Variants in RBM47 observed in about 807,000 individuals in gnomAD.
The protein encoded by RBM47 is RNA-binding protein 47.
A neutral mutation model predicts 47.1 loss-of-function variants in RBM47; 21 were observed. The observed-to-expected ratio is 0.45, with a 90% CI of 0.32 to 0.64. RBM47 has a LOEUF of 0.64. RBM47 is among the 30% of genes least tolerant of loss of function. The pLI, the probability that RBM47 is intolerant of heterozygous loss-of-function variation, is 0.05. For missense variants in RBM47, 708 were observed against 870.9 expected (o/e 0.81, Z 2.35); for synonymous variants, 375 against 361.7 (o/e 1.04, Z -0.42).
intron 1 of RBM47, among the ~76,000 whole-genome samples, chr4:40,551,202 C>G (rs76871809): frequency 6.6e-6 from 1 of 152,118 alleles, no homozygotes; most frequent in Non-Finnish European, 1.5e-5. Flanking sequence ...GTCACAGTTA[C>G]AAAAGAATGA....
intron 2 of RBM47, among the ~76,000 whole-genome samples, chr4:40,518,848 G>T (rs773022808): frequency 7.2e-5 from 11 of 152,008 alleles, no homozygotes; most frequent in Middle Eastern, 3.4e-3. Context: ...ATTTGTGTTG[G>T]GCCACATTCA....
intron 1 of RBM47, among the ~76,000 whole-genome samples, chr4:40,618,695 G>A (rs574258534): frequency 6.7e-6 from 1 of 150,342 alleles, no homozygotes; most frequent in East Asian, 2.0e-4. Context: ...TGTAATCCCA[G>A]CTACTCGGGA....
At chr4:40,553,910 T>G (rs946537556) in intron 1 of RBM47, among the ~76,000 whole-genome samples, 3 of 152,186 alleles carry the variant, frequency 2.0e-5, no homozygotes, top group Admixed American at 2.0e-4. Context: ...CAGAGACATT[T>G]GAAGGTAAAA....
intron 2 of RBM47, among the ~76,000 whole-genome samples, chr4:40,509,958 G>T (rs1177500155): frequency 6.6e-6 from 1 of 151,778 alleles, no homozygotes; most frequent in African/African-American, 2.4e-5. Context: ...AGGCTGAGGG[G>T]GGGTGGGTCA....
At chr4:40,538,190 G>C (rs1481502631) in intron 2 of RBM47, among the ~76,000 whole-genome samples, 1 of 152,148 alleles carries the variant, frequency 6.6e-6, no homozygotes, top group Non-Finnish European at 1.5e-5. Context: ...AAAGAAAAGG[G>C]AGAGGTCCAG....
chr4:40,443,328 A>G (rs1435815268), intron 3 of RBM47, among the ~76,000 whole-genome samples: 1 of 152,166 alleles, frequency 6.6e-6, no homozygotes, highest in African/African-American at 2.4e-5. Context: ...ACCACAGTAA[A>G]AACAAAATCC....
rs56054491 is a variant in RBM47, at chr4:40,600,985, C to CAAAAAAAAA, written c.-240+28402_-240+28410dup. Among the ~76,000 whole-genome samples, 276 of 50,064 alleles carry CAAAAAAAAA rather than the reference C, an allele frequency of 5.5e-3. 23 individuals carry two copies. Among genetic ancestry groups the CAAAAAAAAA allele is most frequent in the African/African-American group, 0.018 (254 of 14,472 alleles). 32.8% of individuals were successfully genotyped at this position (50,064 alleles called of 152,430 possible). A position where few individuals can be genotyped will look rare whatever the true frequency, so the allele number is the denominator to read the frequency against. ...AGGCAACAAGAGTGAAACTCCGTCT[C>CAAAAAAAAA]AAAAAAAAAAAAAAAAAGAAAGAAG... On this transcript the variant is annotated intron_variant, in intron 1 of 6. Coordinates refer to ENST00000295971, the MANE Select transcript of RBM47 (RefSeq NM_001098634.2).
intron 4 of RBM47, among the ~76,000 whole-genome samples, chr4:40,437,090 A>AAAAAAAAAAAAAAAAAAAAAAATAT (rs1256296949): frequency 2.0e-5 from 1 of 49,852 alleles, no homozygotes; most frequent in Non-Finnish European, 3.3e-5. Context: ...AAAAAAAAAA[A>AAAAAAAAAAAAAAAAAAAAAAATAT]ATATATATAT....
chr4:40,523,564 T>C (rs1726416613), intron 2 of RBM47, among the ~76,000 whole-genome samples: 3 of 151,856 alleles, frequency 2.0e-5, no homozygotes, highest in Non-Finnish European at 4.4e-5. Context: ...GGCAGGAGAA[T>C]TGCTTGAACC....
intron 2 of RBM47, among the ~76,000 whole-genome samples, chr4:40,525,196 G>A (rs1343591756): frequency 6.6e-6 from 1 of 152,170 alleles, no homozygotes; most frequent in Non-Finnish European, 1.5e-5. Context: ...CCAGCACTTT[G>A]GGAGGCCAAG....
At chr4:40,553,909 T>C (rs913740658) in intron 1 of RBM47, among the ~76,000 whole-genome samples, 1 of 152,174 alleles carries the variant, frequency 6.6e-6, no homozygotes, top group African/African-American at 2.4e-5. Flanking sequence ...TCAGAGACAT[T>C]TGAAGGTAAA....
At chr4:40,488,056 T>G (rs1721357416) in intron 2 of RBM47, among the ~76,000 whole-genome samples, 1 of 151,988 alleles carries the variant, frequency 6.6e-6, no homozygotes, top group African/African-American at 2.4e-5. Context: ...GCACGGTGGC[T>G]CACACCTGTA....
intron 2 of RBM47, among the ~76,000 whole-genome samples, chr4:40,477,177 C>G (rs975532652): frequency 6.6e-6 from 1 of 152,194 alleles, no homozygotes; most frequent in East Asian, 1.9e-4. Flanking sequence ...AGTGAGACTC[C>G]GTCTCGAAAA....
intron 2 of RBM47, among the ~76,000 whole-genome samples, chr4:40,484,060 G>A (rs567453383): frequency 6.6e-6 from 1 of 152,194 alleles, no homozygotes; most frequent in South Asian, 2.1e-4. Flanking sequence ...CATTTATGAA[G>A]AATTTAATGT....
Position 40,562,748 on chromosome 4 carries a change from G to C in RBM47, c.-239-18242C>G, listed in dbSNP as rs143442459. Among the ~76,000 whole-genome samples, 193 of 152,292 alleles carry C rather than the reference G, an allele frequency of 1.3e-3. 1 individual carries two copies. Among genetic ancestry groups the C allele is most frequent in the African/African-American group, 4.3e-3 (180 of 41,564 alleles). On this transcript the variant is annotated intron_variant, in intron 1 of 6. Coordinates refer to ENST00000295971, the MANE Select transcript of RBM47 (RefSeq NM_001098634.2). Reference sequence around the variant, plus strand: ...CCCAAAGCATTAGGATTACAGGCGTGAGCCACCGTGCCCAGCCGAAATATT... The same window carrying C: ...CCCAAAGCATTAGGATTACAGGCGTCAGCCACCGTGCCCAGCCGAAATATT...
intron 1 of RBM47, among the ~76,000 whole-genome samples, chr4:40,546,751 C>T (rs985830275): frequency 6.6e-6 from 1 of 152,168 alleles, no homozygotes; most frequent in Non-Finnish European, 1.5e-5. Flanking sequence ...ACCTGTGTCA[C>T]GAGTGCCTGT....
intron 1 of RBM47, among the ~76,000 whole-genome samples, chr4:40,609,283 C>A (rs1258262337): frequency 6.6e-6 from 1 of 151,762 alleles, no homozygotes; most frequent in Non-Finnish European, 1.5e-5. Context: ...AGCCACCATG[C>A]CTGGCCTGCT....
At position 40,569,772 on chromosome 4, in the gene RBM47, G is replaced by A. The variant is rs180674562; in HGVS notation, c.-239-25266C>T. ...GTCGCCCAGGTTGGAGTGCAGTGCC[G>A]CAATCTCGGCTCACTGCAACCTCTG... On this transcript the variant is annotated intron_variant, in intron 1 of 6. Coordinates refer to ENST00000295971, the MANE Select transcript of RBM47 (RefSeq NM_001098634.2). 9.6e-4 allele frequency among the ~76,000 whole-genome samples: 144 copies of A among 149,564 alleles called. 2 individuals carry two copies. The highest frequency in any genetic ancestry group is 4.7e-3 in the Admixed American group (70 of 14,900).
intron 1 of RBM47, among the ~76,000 whole-genome samples, chr4:40,545,046 T>TA (rs1728886030): frequency 7.4e-6 from 1 of 134,292 alleles, no homozygotes; most frequent in Non-Finnish European, 1.6e-5. Context: ...CAGAGTGAGA[T>TA]CCTTTTTTTT....
Sources: allele counts gnomAD v4.1 joint callset (sites outside exome capture counted in the v4.1 genomes callset), GRCh38; gene constraint gnomAD v4.1.1; transcripts MANE v1.5; gene names NCBI Gene and HGNC (gene_info 2026-07-23, HGNC 2026-07-21).